Variants in WDR41 observed in about 807,000 individuals in gnomAD.
WDR41 encodes the protein WD repeat domain 41.
In WDR41, 63 loss-of-function variants were observed where a neutral mutation model predicts 69.3. The observed-to-expected ratio is 0.91, with a 90% CI of 0.74 to 1.12. The LOEUF is 1.12. Among genes scored for constraint, WDR41 ranks in the 50% most tolerant of loss-of-function variants. The pLI is 0.00. For missense variants in WDR41, 543 were observed against 534.5 expected (o/e 1.02, Z -0.16); for synonymous variants, 185 against 192.1 (o/e 0.96, Z 0.31).
intron 1 of WDR41, chr5:77,545,518 G>A (rs573437587): frequency 4.6e-5 from 11 of 238,632 alleles, no homozygotes; most frequent in Non-Finnish European, 7.3e-5. Context: ...TCGCAGCCAC[G>A]GAGCTTGCGG....
intron 8 of WDR41, among the ~76,000 whole-genome samples, chr5:77,442,836 A>G (rs1039972663): frequency 3.0e-5 from 4 of 134,090 alleles, no homozygotes; most frequent in African/African-American, 8.8e-5. Context: ...AGCTTGCAGT[A>G]AGCCGAGATC....
chr5:77,460,548 T>C (rs1800009946), intron 4 of WDR41, among the ~76,000 whole-genome samples: 1 of 152,168 alleles, frequency 6.6e-6, no homozygotes, highest in African/African-American at 2.4e-5. Context: ...GAAGTTAGTT[T>C]TTACAGGTTG....
intron 1 of WDR41, among the ~76,000 whole-genome samples, chr5:77,539,309 T>C (rs1579998724): frequency 6.6e-6 from 1 of 152,356 alleles, no homozygotes; most frequent in East Asian, 1.9e-4. Flanking sequence ...ATATTCTTTG[T>C]GCTCTGGAAT....
intron 4 of WDR41, 92 bp downstream of exon 4, chr5:77,463,003 C>G (rs929667384): frequency 7.2e-7 from 1 of 1,389,474 alleles, no homozygotes; most frequent in Non-Finnish European, 9.7e-7. Flanking sequence ...CAAGAATATA[C>G]AGACAAGACC....
chr5:77,570,527 G>C (rs1381042401), intron 1 of WDR41, among the ~76,000 whole-genome samples: 1 of 146,534 alleles, frequency 6.8e-6, no homozygotes, highest in African/African-American at 2.5e-5. Flanking sequence ...CTACATCACA[G>C]ATGTTGCTAA....
intron 8 of WDR41, among the ~76,000 whole-genome samples, chr5:77,442,688 C>T (rs942416259): frequency 1.3e-5 from 2 of 151,686 alleles, no homozygotes; most frequent in Non-Finnish European, 2.9e-5. Context: ...GTCTGGAGAT[C>T]GAGACCATCC....
chr5:77,610,255 C>G (rs576098962), intron 1 of WDR41, among the ~76,000 whole-genome samples: 1 of 152,200 alleles, frequency 6.6e-6, no homozygotes, highest in South Asian at 2.1e-4. Flanking sequence ...AGGAGAACTT[C>G]CCCAATCTAG....
rs540792516 is a variant in WDR41 at position 77,576,445 on chromosome 5, C to A, written c.42+44034G>T. ...TGACCTTCTGCAGTCTGATTTCTAG[C>A]CCCTAACACTGACCAGGGCAACACC... On this transcript the variant is annotated intron_variant, in intron 1 of 5. Transcript: ENST00000509971. Among the ~76,000 whole-genome samples, 375 of 152,262 alleles carry A rather than the reference C, an allele frequency of 2.5e-3. 1 individual carries two copies. Among genetic ancestry groups the A allele is most frequent in the African/African-American group, 8.6e-3 (358 of 41,572 alleles).
chr5:77,493,471 T>C (rs1353774333), upstream of WDR41, among the ~76,000 whole-genome samples: 1 of 152,162 alleles, frequency 6.6e-6, no homozygotes, highest in East Asian at 1.9e-4. Flanking sequence ...GAGAGAGCCA[T>C]ACATCCCACT....
At chr5:77,455,295 CTT>C (rs1343237353) in intron 5 of WDR41, among the ~76,000 whole-genome samples, 1 of 152,086 alleles carries the variant, frequency 6.6e-6, no homozygotes, top group East Asian at 1.9e-4. Context: ...GGAGAAATTT[CTT>C]TCTTTCAAAT....
intron 1 of WDR41, among the ~76,000 whole-genome samples, chr5:77,572,017 C>A (rs562046324): frequency 6.6e-6 from 1 of 152,076 alleles, no homozygotes; most frequent in African/African-American, 2.4e-5. Flanking sequence ...CTAAAAACCA[C>A]GTTTCTCTAG....
rs370753681 is a variant in WDR41 at position 77,489,503 on chromosome 5, C to A, written c.121G>T (p.Ala41Ser). The A allele has an allele frequency of 6.2e-7, 1 of 1,609,298 alleles. No individual in the cohort carries two copies. The highest frequency in any genetic ancestry group is 1.7e-4 in the Middle Eastern group (1 of 6,038). The change falls in exon 2 of 13, where the codon GCT (alanine) becomes TCT (serine). Residue 41 changes from alanine (A) to serine (S), a missense_variant. Coordinates refer to ENST00000296679, the MANE Select transcript of WDR41 (RefSeq NM_018268.4). ...AGAAATCGTACAATATCATGATGAG[C>A]CTTCAGTACTAGCAGTTCAGTGTAG... is the stretch of plus-strand genomic sequence containing the variant. ...NPYTELLVLK[A>S]HHDIVRFLVQ...
intron 1 of WDR41, among the ~76,000 whole-genome samples, chr5:77,611,941 A>T (rs1479277476): frequency 6.6e-6 from 1 of 152,162 alleles, no homozygotes; most frequent in East Asian, 1.9e-4. Flanking sequence ...TAGACACAAT[A>T]AAAAATGAAA....
chr5:77,532,819 G>T (rs942302951), intron 1 of WDR41, among the ~76,000 whole-genome samples: 3 of 151,976 alleles, frequency 2.0e-5, no homozygotes, highest in African/African-American at 7.2e-5. Context: ...GAAAAGCAAG[G>T]AAATGATTAC....
At chr5:77,580,466 A>G (rs1743915353) in intron 1 of WDR41, among the ~76,000 whole-genome samples, 2 of 152,170 alleles carry the variant, frequency 1.3e-5, no homozygotes, top group Admixed American at 1.3e-4. Flanking sequence ...ACACGTAGGC[A>G]TTATTACAAT....
chr5:77,609,186 G>T (rs1213309207), intron 1 of WDR41, among the ~76,000 whole-genome samples: 11 of 152,260 alleles, frequency 7.2e-5, no homozygotes, highest in Non-Finnish European at 1.0e-4. Flanking sequence ...CACAGCACAA[G>T]GAGGCCTGCC....
At chr5:77,576,322 C>G (rs546185257) in intron 1 of WDR41, among the ~76,000 whole-genome samples, 1 of 152,182 alleles carries the variant, frequency 6.6e-6, no homozygotes, top group Non-Finnish European at 1.5e-5. Flanking sequence ...CCTGACACCC[C>G]TTCTAACTAT....
intron 1 of WDR41, among the ~76,000 whole-genome samples, chr5:77,504,586 G>A (rs1242311029): frequency 1.3e-5 from 2 of 152,184 alleles, no homozygotes; most frequent in Non-Finnish European, 2.9e-5. Flanking sequence ...GAGAATTTTA[G>A]ACCAATATCC....
At chr5:77,490,789 C>T (rs928760826) in intron 1 of WDR41, among the ~76,000 whole-genome samples, 4 of 152,076 alleles carry the variant, frequency 2.6e-5, no homozygotes, top group Non-Finnish European at 5.9e-5. Context: ...TCCAAAATGT[C>T]GTATATACCA....
Sources: gnomAD v4.1 joint callset for allele counts (sites outside exome capture counted in the v4.1 genomes callset) on GRCh38, gnomAD v4.1.1 for gene constraint, MANE v1.5 for transcripts, NCBI Gene and HGNC (gene_info 2026-07-23, HGNC 2026-07-21) for gene names.